CTDP1: variants seen among roughly 807,000 people sequenced by gnomAD.
CTDP1 encodes the protein RNA polymerase II subunit A C-terminal domain phosphatase.
In CTDP1, 47 loss-of-function variants were observed where a neutral mutation model predicts 91.8. The observed-to-expected ratio is 0.51, with a 90% confidence interval of 0.41 to 0.65. The LOEUF is 0.65. CTDP1 is among the 30% of genes least tolerant of loss of function. The probability of loss-of-function intolerance (pLI) is 0.00; values close to 1 mark genes in which losing one functional copy is unlikely to be tolerated. For missense variants in CTDP1, 1,272 were observed against 1,373.7 expected, an observed-to-expected ratio of 0.93 and a Z score of 1.17; for synonymous variants, 656 against 598.5, an observed-to-expected ratio of 1.10 and a Z score of -1.40.
At chr18:79,731,528 C>A (rs2086566406) in intron 11 of CTDP1, among the ~76,000 whole-genome samples, 1 of 152,298 alleles carries the variant, frequency 6.6e-6, no homozygotes, top group African/African-American at 2.4e-5. Context: ...TGGATTTCTT[C>A]TCGGGTTTAA....
intron 5 of CTDP1, among the ~76,000 whole-genome samples, chr18:79,708,701 C>G (rs954648411): frequency 7.2e-5 from 11 of 152,278 alleles, no homozygotes; most frequent in South Asian, 4.1e-4. Context: ...AGGGGACCTG[C>G]GTGCCATGAC....
At chr18:79,755,765 G>C (rs2087084527), downstream of CTDP1, 1 of 152,472 alleles carries the variant, frequency 6.6e-6, no homozygotes, top group South Asian at 2.1e-4. Flanking sequence ...CTTAAACACA[G>C]TGTGGAAATA....
At chr18:79,729,435 C>A (rs2086519860) in intron 11 of CTDP1, among the ~76,000 whole-genome samples, 2 of 152,178 alleles carry the variant, frequency 1.3e-5, no homozygotes, top group African/African-American at 2.4e-5. Context: ...CAAGGGGTGA[C>A]CCTGGGGCCG....
intron 12 of CTDP1, among the ~76,000 whole-genome samples, chr18:79,737,632 C>T (rs1364084691): frequency 6.6e-6 from 1 of 152,100 alleles, no homozygotes; most frequent in African/African-American, 2.4e-5. Context: ...CCCCGTCCCG[C>T]ATCCCCCATG....
chr18:79,677,411 T>C (rs1332466910), upstream of CTDP1: 2 of 151,760 alleles, frequency 1.3e-5, no homozygotes, highest in South Asian at 2.1e-4. Context: ...GAAAAGGGAG[T>C]GAGGCACAGA....
At chr18:79,725,423 A>G (rs924752922) in intron 10 of CTDP1, among the ~76,000 whole-genome samples, 3 of 151,996 alleles carry the variant, frequency 2.0e-5, no homozygotes, top group Non-Finnish European at 4.4e-5. Flanking sequence ...AAAATTTCAT[A>G]TTCATTTTCC....
chr18:79,689,064 C>T (rs933974294), intron 1 of CTDP1, among the ~76,000 whole-genome samples: 1 of 152,198 alleles, frequency 6.6e-6, no homozygotes, highest in African/African-American at 2.4e-5. Flanking sequence ...AAGACGTGCT[C>T]TTACATAGCA....
chr18:79,692,622 G>T (rs582029), intron 1 of CTDP1, among the ~76,000 whole-genome samples: 1 of 152,092 alleles, frequency 6.6e-6, no homozygotes, highest in Non-Finnish European at 1.5e-5. Flanking sequence ...CCCCTTGCAG[G>T]GGGTAGAGCA....
chr18:79,750,712 C>G (rs529919745), intron 12 of CTDP1, among the ~76,000 whole-genome samples: 8 of 146,704 alleles, frequency 5.5e-5, no homozygotes, highest in Admixed American at 4.8e-4. Flanking sequence ...TGGGGTTTCA[C>G]CATGTTGGTC....
intron 12 of CTDP1, among the ~76,000 whole-genome samples, chr18:79,736,940 G>A (rs1164131785): frequency 2.6e-5 from 4 of 152,030 alleles, no homozygotes; most frequent in Non-Finnish European, 4.4e-5. Context: ...AGGCATGTAC[G>A]GGGTCTGTAT....
At position 79,713,727 on chromosome 18, in the gene CTDP1, T is replaced by C. The variant is rs1427717662; in HGVS notation, c.1030+589T>C. The stretch of plus-strand genomic sequence containing the variant: ...GGTTAGGACCAGGGGAGGGTGAAAC[T>C]AGGGGCATTCCTGTAGAAGGTAGAG... On this transcript the variant is annotated intron_variant, in intron 7 of 12. Coordinates refer to ENST00000613122, the MANE Select transcript of CTDP1 (RefSeq NM_004715.5). The surrounding 1 kb of genome is among the most constrained non-coding windows in gnomAD (Gnocchi z 4.7). 4.6e-5 allele frequency among the ~76,000 whole-genome samples: 7 copies of C among 152,238 alleles called. No homozygotes were observed. Among genetic ancestry groups the C allele is most frequent in the Non-Finnish European group, 1.0e-4 (7 of 68,036 alleles).
chr18:79,695,584 C>T (rs1171221539), intron 2 of CTDP1, among the ~76,000 whole-genome samples: 1 of 152,200 alleles, frequency 6.6e-6, no homozygotes, highest in Non-Finnish European at 1.5e-5. Flanking sequence ...AGACGCAGAT[C>T]GCTGAGTGCC....
chr18:79,737,708 G>A (rs1376494642), intron 12 of CTDP1, among the ~76,000 whole-genome samples: 1 of 152,132 alleles, frequency 6.6e-6, no homozygotes, highest in African/African-American at 2.4e-5. Context: ...GACCTGCCGT[G>A]CCGTTAGGCA....
At chr18:79,728,869 T>C in intron 10 of CTDP1, 38 bp from the exon 11 acceptor site, 1 of 1,612,160 alleles carries the variant, frequency 6.2e-7, no homozygotes, top group Non-Finnish European at 8.5e-7. Flanking sequence ...CCATTCGAAC[T>C]GACCTTCCTC....
intron 6 of CTDP1, 138 bp downstream of exon 6, chr18:79,710,574 G>T: frequency 3.0e-6 from 2 of 675,432 alleles, no homozygotes; most frequent in Non-Finnish European, 5.3e-6. Context: ...AGGCTAGAGT[G>T]CAGTGGCGCG....
At chr18:79,707,443 C>G (rs893808944) in intron 5 of CTDP1, among the ~76,000 whole-genome samples, 1 of 152,266 alleles carries the variant, frequency 6.6e-6, no homozygotes, top group African/African-American at 2.4e-5. Flanking sequence ...CGCTTGGCTG[C>G]GGAGAGCCTC....
chr18:79,707,246 C>CT (rs1033804548), intron 5 of CTDP1, among the ~76,000 whole-genome samples: 6 of 152,238 alleles, frequency 3.9e-5, no homozygotes, highest in African/African-American at 1.2e-4. Flanking sequence ...TCACCACAGT[C>CT]TGATTCCACG....
At chr18:79,706,947 G>T (rs1259197308) in intron 5 of CTDP1, among the ~76,000 whole-genome samples, 1 of 152,230 alleles carries the variant, frequency 6.6e-6, no homozygotes, top group South Asian at 2.1e-4. Flanking sequence ...TCTTCCATAC[G>T]TTGATCTGGT....
chr18:79,723,057 A>G (rs957054492), intron 10 of CTDP1, among the ~76,000 whole-genome samples: 4 of 152,084 alleles, frequency 2.6e-5, no homozygotes, highest in African/African-American at 9.7e-5. Context: ...CCACGTGTGG[A>G]CCCCTAGTGC....
Sources: allele counts gnomAD v4.1 joint callset (sites outside exome capture counted in the v4.1 genomes callset), GRCh38; gene constraint gnomAD v4.1.1; non-coding constraint Gnocchi (gnomAD v3.1); transcripts MANE v1.5; gene names NCBI Gene and HGNC (gene_info 2026-07-23, HGNC 2026-07-21).